The following ETV6 variants were observed in gnomAD, a reference collection of about 807,000 sequenced individuals.
The protein encoded by ETV6 is ETS variant transcription factor 6.
In ETV6, 16 loss-of-function variants were observed where a neutral mutation model predicts 51.1. The observed-to-expected ratio is 0.31, with a 90% CI of 0.21 to 0.48. The LOEUF (loss-of-function observed/expected upper bound fraction) is 0.48. Among genes scored for constraint, ETV6 ranks in the 20% least tolerant of loss-of-function variants. ETV6 has a pLI of 0.99. For synonymous variants in ETV6, 240 were observed against 224.1 expected, an observed-to-expected ratio of 1.07 and a Z score of -0.64; for missense variants, 458 against 594.8, an observed-to-expected ratio of 0.77 and a Z score of 2.39.
chr12:11,727,643 C>T (rs751182520), intron 1 of ETV6, among the ~76,000 whole-genome samples: 9 of 151,354 alleles, frequency 5.9e-5, no homozygotes, highest in East Asian at 3.9e-4. Flanking sequence ...GGATCTGTGA[C>T]GTACATGGTC....
intron 5 of ETV6, among the ~76,000 whole-genome samples, chr12:11,882,249 C>T (rs1225825225): frequency 6.6e-6 from 1 of 152,176 alleles, no homozygotes; most frequent in Non-Finnish European, 1.5e-5. Flanking sequence ...CAGTTTTCTG[C>T]CAGTGTCTTC....
chr12:11,702,440 A>G (rs910198820), intron 1 of ETV6, among the ~76,000 whole-genome samples: 5 of 151,958 alleles, frequency 3.3e-5, no homozygotes, highest in African/African-American at 7.2e-5. Flanking sequence ...TTTCTACCCA[A>G]CTGGGCACTT....
chr12:11,781,390 C>T (rs1393740025), intron 2 of ETV6, among the ~76,000 whole-genome samples: 1 of 152,202 alleles, frequency 6.6e-6, no homozygotes, highest in Admixed American at 6.5e-5. Flanking sequence ...AAACTCACCT[C>T]ACTGTCACTT....
chr12:11,724,200 T>C (rs1275680247), intron 1 of ETV6, among the ~76,000 whole-genome samples: 1 of 152,204 alleles, frequency 6.6e-6, no homozygotes, highest in East Asian at 1.9e-4. Flanking sequence ...AGGTTTCCCC[T>C]TGACAGGTCC....
intron 2 of ETV6, among the ~76,000 whole-genome samples, chr12:11,813,415 A>G (rs951205775): frequency 2.6e-5 from 4 of 152,222 alleles, no homozygotes; most frequent in African/African-American, 9.6e-5. Context: ...TAGCAGAGGT[A>G]ATGTGGCCAC....
intron 5 of ETV6, among the ~76,000 whole-genome samples, chr12:11,871,381 G>A (rs999959357): frequency 5.9e-5 from 9 of 151,914 alleles, no homozygotes; most frequent in Admixed American, 3.3e-4. Flanking sequence ...TAGTAGAGAC[G>A]GGGTTTCACC....
intron 1 of ETV6, among the ~76,000 whole-genome samples, chr12:11,682,580 T>G (rs1864551880): frequency 6.6e-6 from 1 of 152,208 alleles, no homozygotes; most frequent in Admixed American, 6.5e-5. Context: ...TAGATCCCAT[T>G]TGTCAATTTT....
chr12:11,811,896 T>C (rs1244058962), intron 2 of ETV6, among the ~76,000 whole-genome samples: 1 of 152,122 alleles, frequency 6.6e-6, no homozygotes, highest in Non-Finnish European at 1.5e-5. Context: ...CCTGCTATTT[T>C]ATGACACCTA....
intron 1 of ETV6, among the ~76,000 whole-genome samples, chr12:11,730,521 C>T (rs1466061943): frequency 2.0e-5 from 3 of 152,190 alleles, no homozygotes; most frequent in African/African-American, 4.8e-5. Flanking sequence ...GTTCTAAGGA[C>T]GGGTTGTCCA....
chr12:11,694,281 T>G (rs1864829372), intron 1 of ETV6, among the ~76,000 whole-genome samples: 1 of 152,190 alleles, frequency 6.6e-6, no homozygotes, highest in Non-Finnish European at 1.5e-5. Context: ...ATTTAACCCC[T>G]GAGGCTCAGT....
At chr12:11,660,779 A>C (rs1240612147) in intron 1 of ETV6, among the ~76,000 whole-genome samples, 1 of 152,112 alleles carries the variant, frequency 6.6e-6, no homozygotes, top group African/African-American at 2.4e-5. Flanking sequence ...GACTCCTGCT[A>C]GAGTAAGCCT....
chr12:11,665,443 T>C (rs1460422331), intron 1 of ETV6, among the ~76,000 whole-genome samples: 1 of 152,262 alleles, frequency 6.6e-6, no homozygotes, highest in East Asian at 1.9e-4. Flanking sequence ...GCTTCTGTTA[T>C]TGGCAACAAT....
chr12:11,854,483 G>A (rs1221201332), intron 4 of ETV6, among the ~76,000 whole-genome samples: 1 of 152,232 alleles, frequency 6.6e-6, no homozygotes, highest in African/African-American at 2.4e-5. Context: ...AATGACGTAA[G>A]GGTGGGGTAA....
At chr12:11,823,112 T>C (rs1946104500) in intron 2 of ETV6, among the ~76,000 whole-genome samples, 2 of 152,166 alleles carry the variant, frequency 1.3e-5, no homozygotes, top group African/African-American at 4.8e-5. Context: ...ACCGCACCTG[T>C]AGGGCCTCTG....
chr12:11,869,480 C>G lies in ETV6; in HGVS notation c.520C>G (p.Pro174Ala). ...CGTGGATAATGTGCACCATAACCCT[C>G]CCACCATTGAACTGTTGCACCGCTC... ...PSVDNVHHNP[P>A]TIELLHRSRS... The change falls in exon 5 of 8, where the codon CCC becomes GCC. Residue 174 changes from proline (P) to alanine (A), a missense_variant. Physicochemically the swap from Pro to Ala is conservative, Grantham distance 27. Coordinates refer to ENST00000396373, the MANE Select transcript of ETV6 (RefSeq NM_001987.5). This position sits in a 1 kb window ranked among gnomAD's most constrained non-coding sequence, Gnocchi z 5.0. The G allele has an allele frequency of 1.2e-6, 2 of 1,614,102 alleles. No homozygotes were observed. Among genetic ancestry groups the G allele is most frequent in the Non-Finnish European group, 8.5e-7 (1 of 1,180,008 alleles).
chr12:11,787,600 C>G (rs905035601), intron 2 of ETV6, among the ~76,000 whole-genome samples: 14 of 151,936 alleles, frequency 9.2e-5, no homozygotes, highest in Non-Finnish European at 1.3e-4. Context: ...AGACTCACTC[C>G]TTGTTTTGCA....
intron 1 of ETV6, among the ~76,000 whole-genome samples, chr12:11,731,553 TC>T (rs570719227): frequency 1.1e-3 from 162 of 152,196 alleles, no homozygotes; most frequent in African/African-American, 2.3e-3. Flanking sequence ...TAATTTTTTT[TC>T]TTCTGTCTTA....
At chr12:11,727,810 A>AT (rs201835834) in intron 1 of ETV6, among the ~76,000 whole-genome samples, 13 of 151,548 alleles carry the variant, frequency 8.6e-5, no homozygotes, top group East Asian at 7.8e-4. Context: ...CCTTTTTTAA[A>AT]TTTTTTTTTA....
In ETV6 at chr12:11,776,440, A is replaced by C. The variant is rs114475291; in HGVS notation, c.163+23861A>C. Among the ~76,000 whole-genome samples, 679 of 151,416 alleles carry C rather than the reference A, an allele frequency of 4.5e-3. 5 individuals carry two copies. Among genetic ancestry groups the C allele is most frequent in the African/African-American group, 0.015 (636 of 41,258 alleles). On this transcript the variant is annotated intron_variant, in intron 2 of 7. Transcript: ENST00000396373. The stretch of plus-strand genomic sequence containing the variant: ...TTTTTCTTTTTGTAGAGACAGTATC[A>C]TGCTATGTTTCCCAGGCTGGTCTCC...
Sources: gnomAD v4.1 joint callset for allele counts (sites outside exome capture counted in the v4.1 genomes callset) on GRCh38, gnomAD v4.1.1 for gene constraint, Gnocchi (gnomAD v3.1) non-coding constraint, MANE v1.5 for transcripts, NCBI Gene and HGNC (gene_info 2026-07-23, HGNC 2026-07-21) for gene names.